The following PDE4D variants were observed in gnomAD, a reference collection of about 807,000 sequenced individuals.
PDE4D encodes the protein phosphodiesterase 4D.
In PDE4D, 24 loss-of-function variants were observed where a neutral mutation model predicts 87.4. That is an observed-to-expected ratio of 0.27 (90% CI 0.20 to 0.39). The LOEUF is 0.39. Ranked by LOEUF, PDE4D falls within the 10% of genes least tolerant of loss-of-function variation. PDE4D has a pLI of 1.00. For missense variants in PDE4D, 714 were observed against 1,041.0 expected (o/e 0.69, Z 4.32); for synonymous variants, 384 against 383.2 (o/e 1.00, Z -0.02).
intron 1 of PDE4D, among the ~76,000 whole-genome samples, chr5:60,209,197 T>C (rs936985446): frequency 2.0e-5 from 3 of 148,640 alleles, no homozygotes; most frequent in Non-Finnish European, 4.5e-5. Flanking sequence ...CTTTTTTTTT[T>C]TTTTTTTTTT....
At chr5:59,904,329 C>T (rs1752595772) in intron 3 of PDE4D, among the ~76,000 whole-genome samples, 1 of 152,072 alleles carries the variant, frequency 6.6e-6, no homozygotes, top group Non-Finnish European at 1.5e-5. Context: ...TCCAGGACTC[C>T]AAACTAGAAC....
intron 1 of PDE4D, among the ~76,000 whole-genome samples, chr5:59,231,631 G>T (rs1250378685): frequency 6.6e-6 from 1 of 152,156 alleles, no homozygotes; most frequent in Non-Finnish European, 1.5e-5. Flanking sequence ...TTATTTGTCA[G>T]CACAATAACA....
chr5:59,581,657 A>T (rs1381694989), intron 1 of PDE4D, among the ~76,000 whole-genome samples: 1 of 152,194 alleles, frequency 6.6e-6, no homozygotes, highest in African/African-American at 2.4e-5. Flanking sequence ...ATAAGTTGTA[A>T]GCACATTGAT....
intron 1 of PDE4D, among the ~76,000 whole-genome samples, chr5:60,362,080 T>C (rs1247910344): frequency 6.6e-6 from 1 of 152,230 alleles, no homozygotes; most frequent in Non-Finnish European, 1.5e-5. Context: ...AAGCTTGTAA[T>C]CAGTGCTGGG....
chr5:59,884,386 C>T (rs1262066989), intron 1 of PDE4D, among the ~76,000 whole-genome samples: 1 of 151,892 alleles, frequency 6.6e-6, no homozygotes, highest in African/African-American at 2.4e-5. Flanking sequence ...TAAATATAAG[C>T]ATGCATGAAA....
chr5:60,059,337 A>T (rs1351463962), intron 2 of PDE4D, among the ~76,000 whole-genome samples: 1 of 152,002 alleles, frequency 6.6e-6, no homozygotes, highest in Non-Finnish European at 1.5e-5. Flanking sequence ...CCTGTATTAC[A>T]TAATATCTTG....
At chr5:59,338,245 G>A (rs1392091904) in intron 1 of PDE4D, among the ~76,000 whole-genome samples, 1 of 152,148 alleles carries the variant, frequency 6.6e-6, no homozygotes, top group Non-Finnish European at 1.5e-5. Flanking sequence ...CCATAGCCCT[G>A]CTTTATAGAG....
At chr5:60,044,148 G>C (rs1466363516) in intron 2 of PDE4D, among the ~76,000 whole-genome samples, 1 of 151,876 alleles carries the variant, frequency 6.6e-6, no homozygotes, top group African/African-American at 2.4e-5. Flanking sequence ...AGCTAAAAGA[G>C]GAGAATTGGA....
rs547514005 is a variant in PDE4D, at chr5:59,938,987, T to C, written c.272+49501A>G. Among the ~76,000 whole-genome samples the C allele has an allele frequency of 3.3e-5, 5 of 152,338 alleles. No individual in the cohort carries two copies. In the East Asian group the frequency reaches 7.7e-4, roughly 24 times the overall value. On this transcript the variant is annotated intron_variant, in intron 3 of 16. Transcript: ENST00000502484. ...GACTAGTTATGGCCAATGGATTGTA[T>C]ATGAAGATAAAGTATGTCATTTCCT... is the stretch of plus-strand genomic sequence containing the variant.
At chr5:59,270,625 A>G (rs1011391079) in intron 1 of PDE4D, among the ~76,000 whole-genome samples, 3 of 152,188 alleles carry the variant, frequency 2.0e-5, no homozygotes, top group Non-Finnish European at 2.9e-5. Flanking sequence ...TCAACAACCA[A>G]CAGTCTTTCA....
At chr5:59,065,067 T>TATATACAC (rs764430366) in intron 5 of PDE4D, among the ~76,000 whole-genome samples, 3 of 89,230 alleles carry the variant, frequency 3.4e-5, no homozygotes, top group South Asian at 3.6e-4. Flanking sequence ...GATATATATA[T>TATATACAC]ACACACACAC....
chr5:59,721,957 C>T (rs1755893264), intron 1 of PDE4D, among the ~76,000 whole-genome samples: 1 of 152,150 alleles, frequency 6.6e-6, no homozygotes, highest in Non-Finnish European at 1.5e-5. Context: ...ACAGCCTCGA[C>T]ATCTGTGACA....
At chr5:60,040,738 T>G (rs1013769999) in intron 2 of PDE4D, among the ~76,000 whole-genome samples, 1 of 152,212 alleles carries the variant, frequency 6.6e-6, no homozygotes, top group African/African-American at 2.4e-5. Context: ...TTTTCTTTAC[T>G]GCCTCTGTCC....
intron 5 of PDE4D, among the ~76,000 whole-genome samples, chr5:59,054,993 T>G (rs565860970): frequency 4.6e-5 from 7 of 152,326 alleles, no homozygotes; most frequent in Non-Finnish European, 1.0e-4. Context: ...TTTTTTGAAG[T>G]AATTTCTCCA....
chr5:59,787,715 C>T (rs762583106), intron 1 of PDE4D, among the ~76,000 whole-genome samples: 20 of 152,202 alleles, frequency 1.3e-4, no homozygotes, highest in South Asian at 4.1e-4. Context: ...TACCAATTAG[C>T]GACCACAATT....
intron 1 of PDE4D, among the ~76,000 whole-genome samples, chr5:59,629,584 C>T (rs1831319793): frequency 6.6e-6 from 1 of 152,166 alleles, no homozygotes; most frequent in South Asian, 2.1e-4. Flanking sequence ...AGAACCAACC[C>T]TGCCAACACC....
chr5:60,104,371 G>C (rs906319196), intron 2 of PDE4D, among the ~76,000 whole-genome samples: 1 of 152,250 alleles, frequency 6.6e-6, no homozygotes. Flanking sequence ...CTCAAACTGG[G>C]TGGAGCCCAC....
intron 6 of PDE4D, among the ~76,000 whole-genome samples, chr5:59,031,833 A>G (rs914561914): frequency 1.3e-5 from 2 of 152,054 alleles, no homozygotes; most frequent in Non-Finnish European, 2.9e-5. Flanking sequence ...TCAGGCACAG[A>G]AAGACAAATA....
intron 5 of PDE4D, among the ~76,000 whole-genome samples, chr5:59,056,383 C>T (rs10061553): frequency 0.3 from 45,330 of 151,940 alleles, 7,761 homozygotes; most frequent in East Asian, 0.75. Context: ...GAAACTCAAC[C>T]GACTGGACGC....
Sources: gnomAD v4.1 joint callset for allele counts (sites outside exome capture counted in the v4.1 genomes callset) on GRCh38, gnomAD v4.1.1 for gene constraint, MANE v1.5 for transcripts, NCBI Gene and HGNC (gene_info 2026-07-23, HGNC 2026-07-21) for gene names.